Variants in CSPG4 observed in about 807,000 individuals in gnomAD.
The protein encoded by CSPG4 is chondroitin sulfate proteoglycan 4, also known as chondroitin sulfate proteoglycan 4 (melanoma-associated).
A neutral mutation model predicts 139.3 loss-of-function variants in CSPG4; 74 were observed. That is an observed-to-expected ratio of 0.53 (90% confidence interval 0.44 to 0.64). CSPG4 has a LOEUF of 0.64. Among genes scored for constraint, CSPG4 ranks in the 30% least tolerant of loss-of-function variants. The pLI, the probability that CSPG4 is intolerant of heterozygous loss-of-function variation, is 0.00. For synonymous variants in CSPG4, 1,234 were observed against 1,394.2 expected (o/e 0.89, Z 2.56); for missense variants, 2,565 against 3,148.3 (o/e 0.81, Z 4.43).
Position 75,689,114 on chromosome 15 carries a change from G to C in CSPG4, c.1951C>G (p.Pro651Ala), listed in dbSNP as rs751703427. 31 of 1,602,788 alleles carry C rather than the reference G, an allele frequency of 1.9e-5. No individual in the cohort carries two copies. In the East Asian group the frequency reaches 4.5e-4, roughly 23 times the overall value. Residue 651 changes from proline (P) to alanine (A), a missense_variant, in exon 3 of 10, where the codon CCG (proline) becomes GCG (alanine). This residue lies in a region of CSPG4 where 2,316 missense variants were observed against 2,818.2 expected (regional missense o/e 0.82). Transcript: ENST00000308508. ...RVSDGLQASP[P>A]ATLKVVAIRP... ...ATGGCCACCACCTTCAGCGTGGCCG[G>C]GGGGCTGGCCTGCAGTCCATCGCTG...
At chr15:75,684,112 G>A (rs899944227) in intron 5 of CSPG4, among the ~76,000 whole-genome samples, 19 of 145,976 alleles carry the variant, frequency 1.3e-4, no homozygotes, top group African/African-American at 4.3e-4. Context: ...CCTGCTGACC[G>A]GGGAGGATGC....
At chr15:75,684,192 G>T (rs957156045) in intron 5 of CSPG4, among the ~76,000 whole-genome samples, 3 of 152,238 alleles carry the variant, frequency 2.0e-5, no homozygotes, top group Non-Finnish European at 4.4e-5. Context: ...TGTTCCACCA[G>T]AACTACTTTT....
chr15:75,701,281 T>C (rs1270823232), intron 1 of CSPG4, among the ~76,000 whole-genome samples: 4 of 152,168 alleles, frequency 2.6e-5, no homozygotes, highest in African/African-American at 7.2e-5. Flanking sequence ...AGGGAGGTGA[T>C]GTCAGCATCT....
At position 75,690,235 on chromosome 15, in the gene CSPG4, A is replaced by T. The variant is rs760186160; in HGVS notation, c.830T>A (p.Val277Glu). The T allele has an allele frequency of 6.2e-7, 1 of 1,613,394 alleles. No homozygotes were observed. The highest frequency in any genetic ancestry group is 1.1e-5 in the South Asian group (1 of 91,082). Residue 277 changes from valine (V) to glutamate (E), a missense_variant, in exon 3 of 10, where the codon GTG (valine) becomes GAG (glutamate). Transcript: ENST00000308508. ...GQGTVLLHNS[V>E]PVADGQPHEV... Reference sequence around the variant, plus strand: ...ATGGGGCTGCCCATCGGCCACAGGCACACTGTTGTGGAGCAATACGGTACC... The same window carrying T: ...ATGGGGCTGCCCATCGGCCACAGGCTCACTGTTGTGGAGCAATACGGTACC...
chr15:75,707,489 C>CTG (rs1894388954), intron 1 of CSPG4, among the ~76,000 whole-genome samples: 1 of 152,192 alleles, frequency 6.6e-6, no homozygotes, highest in Non-Finnish European at 1.5e-5. Context: ...AGATAAGGGA[C>CTG]ACTCAGCCAG....
chr15:75,689,020 A>G lies in CSPG4; in HGVS notation c.2045T>C (p.Leu682Ser). ...RLAQGSAMPI[L>S]PANLSVETNA... is the part of the protein sequence containing the mutation. Reference sequence around the variant, plus strand: ...GGTCTCCACCGACAGGTTGGCGGGCAAGATGGGCATGGCAGAGCCTTGGGC... The same window carrying G: ...GGTCTCCACCGACAGGTTGGCGGGCGAGATGGGCATGGCAGAGCCTTGGGC... The change falls in exon 3 of 10, where the codon TTG (leucine) becomes TCG (serine). Residue 682 changes from leucine (L) to serine (S), a missense_variant. By Grantham distance (145) the Leu-to-Ser change is moderately radical. This residue lies in a region of CSPG4 where 2,316 missense variants were observed against 2,818.2 expected (regional missense o/e 0.82). Transcript: ENST00000308508. 6.2e-7 allele frequency: 1 copy of G among 1,612,114 alleles called. No individual in the cohort carries two copies. The highest frequency in any genetic ancestry group is 1.3e-5 in the African/African-American group (1 of 75,046).
Position 75,675,493 on chromosome 15 carries a change from C to A in CSPG4, c.*57G>T. ...GCACCAGGCATGGAAGCAATGGGGC[C>A]CGGGACATGGGCAAGCCTGTCCCTG... On this transcript the variant is annotated 3_prime_UTR_variant, in exon 10 of 10. Coordinates refer to ENST00000308508, the MANE Select transcript of CSPG4 (RefSeq NM_001897.5). 7.0e-7 allele frequency: 1 copy of A among 1,419,780 alleles called. No individual in the cohort carries two copies. Among genetic ancestry groups the A allele is most frequent in the African/African-American group, 1.4e-5 (1 of 69,554 alleles). 87.9% of individuals were successfully genotyped at this position (1,419,780 alleles called of 1,614,324 possible).
Position 75,712,800 on chromosome 15 carries a change from C to A in CSPG4, c.-45G>T, listed in dbSNP as rs11638923. The stretch of plus-strand genomic sequence containing the variant: ...GGACTTGCGAGGAGCCAGCGGAGTC[C>A]TGGGAGCTGGGAGCTGAGTGGAGCG... On this transcript the variant is annotated 5_prime_UTR_variant, in exon 1 of 10. The change creates a new upstream start codon in the 5' untranslated region. Coordinates refer to ENST00000308508, the MANE Select transcript of CSPG4 (RefSeq NM_001897.5). 6.8e-7 allele frequency: 1 copy of A among 1,466,644 alleles called. No individual in the cohort carries two copies. Among genetic ancestry groups the A allele is most frequent in the South Asian group, 1.3e-5 (1 of 76,996 alleles). 90.9% of individuals were successfully genotyped at this position (1,466,644 alleles called of 1,614,324 possible).
chr15:75,676,783 G>T lies in CSPG4; in HGVS notation c.5736C>A (p.Ser1912Arg). 1 of 1,545,558 alleles carries T rather than the reference G, an allele frequency of 6.5e-7. No homozygotes were observed. The highest frequency in any genetic ancestry group is 8.7e-7 in the Non-Finnish European group (1 of 1,143,326). Residue 1912 changes from serine to arginine, a missense_variant, in exon 10 of 10, where the codon AGC (serine) becomes AGA (arginine). By Grantham distance (110) the Ser-to-Arg change is moderately radical (BLOSUM62 -1). Coordinates refer to ENST00000308508, the MANE Select transcript of CSPG4 (RefSeq NM_001897.5). Reference sequence around the variant, plus strand: ...TGCTCAGCTGGAAGATGCCTGCCACGCTGCTCCCGTTGGCCACGAAGGCCA... The same window carrying T: ...TGCTCAGCTGGAAGATGCCTGCCACTCTGCTCCCGTTGGCCACGAAGGCCA... ...GRLAFVANGSSVAGIFQLSMS... is the reference protein window; with the variant it reads ...GRLAFVANGSRVAGIFQLSMS...
At position 75,712,781 on chromosome 15, in the gene CSPG4, G is replaced by C. The variant is rs966104056; in HGVS notation, c.-26C>G. The stretch of plus-strand genomic sequence containing the variant: ...CCCGGCGGGCTGGGCGGCAGGACTT[G>C]CGAGGAGCCAGCGGAGTCCTGGGAG... On this transcript the variant is annotated 5_prime_UTR_variant, in exon 1 of 10. Transcript: ENST00000308508. 1 of 1,528,844 alleles carries C rather than the reference G, an allele frequency of 6.5e-7. No homozygotes were observed. Among genetic ancestry groups the C allele is most frequent in the African/African-American group, 1.4e-5 (1 of 71,540 alleles). 94.7% of individuals were successfully genotyped at this position (1,528,844 alleles called of 1,614,324 possible). A position where few individuals can be genotyped will look rare whatever the true frequency, so the allele number is the denominator to read the frequency against.
intron 1 of CSPG4, among the ~76,000 whole-genome samples, chr15:75,707,744 A>G (rs1446121876): frequency 6.6e-6 from 1 of 152,236 alleles, no homozygotes; most frequent in Non-Finnish European, 1.5e-5. Flanking sequence ...CATATTCCCA[A>G]GCTCAGCTGC....
At position 75,698,224 on chromosome 15, in the gene CSPG4, G is replaced by T. The variant is rs972099770; in HGVS notation, c.89-4991C>A. On this transcript the variant is annotated intron_variant, in intron 1 of 9. Transcript: ENST00000308508. The surrounding 1 kb of genome is among the most constrained non-coding windows in gnomAD (Gnocchi z 4.3). ...TGGCTCCAGGTCTGGGCAGGCAGGG[G>T]TGAGGGAGTCTGAGGGGGCTGTGGG... Among the ~76,000 whole-genome samples the T allele has an allele frequency of 1.3e-5, 2 of 152,064 alleles. No homozygotes were observed. Among genetic ancestry groups the T allele is most frequent in the African/African-American group, 4.8e-5 (2 of 41,370 alleles).
intron 1 of CSPG4, among the ~76,000 whole-genome samples, chr15:75,693,889 T>C (rs1435141018): frequency 1.3e-5 from 2 of 152,248 alleles, no homozygotes; most frequent in Non-Finnish European, 2.9e-5. Context: ...CAGGAGCTTA[T>C]TGGCCTGAGT....
intron 1 of CSPG4, among the ~76,000 whole-genome samples, chr15:75,700,734 G>A (rs573612125): frequency 4.6e-5 from 7 of 152,296 alleles, no homozygotes; most frequent in African/African-American, 1.4e-4. Context: ...CTGGGGCGGC[G>A]TCTCGGGGCT....
Position 75,677,312 on chromosome 15 carries a change from C to A in CSPG4, c.5207G>T (p.Ser1736Ile). The change falls in exon 10 of 10, where the codon AGC becomes ATC. Residue 1736 changes from serine (S) to isoleucine (I), a missense_variant. This residue lies in a region of CSPG4 where 2,316 missense variants were observed against 2,818.2 expected (regional missense o/e 0.82). Coordinates refer to ENST00000308508, the MANE Select transcript of CSPG4 (RefSeq NM_001897.5). ...AALDASNLLA[S>I]VPSPQRSEHD... is the part of the protein sequence containing the mutation. ...CTCTGAGCGCTGGGGTGATGGAACG[C>A]TGGCCAAGAGATTGGAGGCATCCAG... is the stretch of plus-strand genomic sequence containing the variant. 1 of 1,431,768 alleles carries A rather than the reference C, an allele frequency of 7.0e-7. No homozygotes were observed. The highest frequency in any genetic ancestry group is 1.6e-5 in the South Asian group (1 of 61,886). 88.7% of individuals were successfully genotyped at this position (1,431,768 alleles called of 1,614,324 possible).
intron 1 of CSPG4, among the ~76,000 whole-genome samples, chr15:75,711,512 G>A (rs1351841185): frequency 6.6e-6 from 1 of 152,226 alleles, no homozygotes; most frequent in African/African-American, 2.4e-5. Context: ...GATCTTAGGG[G>A]ATCTGGTCCC....
chr15:75,677,519 G>A, intron 9 of CSPG4, 135 bp from the exon 10 acceptor site: 1 of 1,213,974 alleles, frequency 8.2e-7, no homozygotes, highest in East Asian at 2.6e-5. Flanking sequence ...GGGGCTCAGG[G>A]TTCCCAGGAG....
chr15:75,707,020 C>T (rs1177154518), intron 1 of CSPG4, among the ~76,000 whole-genome samples: 5 of 150,416 alleles, frequency 3.3e-5, no homozygotes, highest in African/African-American at 4.9e-5. Flanking sequence ...TGCAGTGACG[C>T]GATCTTAGCT....
intron 1 of CSPG4, among the ~76,000 whole-genome samples, chr15:75,707,508 G>A (rs539666228): frequency 1.2e-4 from 19 of 152,166 alleles, no homozygotes; most frequent in Non-Finnish European, 1.8e-4. Context: ...AGTGTGGAGT[G>A]AGGGCCAGCA....
Sources: gnomAD v4.1 joint callset for allele counts (sites outside exome capture counted in the v4.1 genomes callset) on GRCh38, gnomAD v4.1.1 for gene constraint, gnomAD v4.1.1 regional missense constraint, Gnocchi (gnomAD v3.1) non-coding constraint, MANE v1.5 for transcripts, NCBI Gene and HGNC (gene_info 2026-07-23, HGNC 2026-07-21) for gene names.